Variants in KATNAL1 observed in about 807,000 individuals in gnomAD.
The protein encoded by KATNAL1 is katanin p60 ATPase-containing subunit A-like 1.
KATNAL1 carries 32 observed loss-of-function variants against 55.2 expected under a neutral mutation model. That is an observed-to-expected ratio of 0.58 (90% CI 0.44 to 0.78). The LOEUF is 0.78. Among genes scored for constraint, KATNAL1 ranks in the 30% least tolerant of loss-of-function variants. The pLI, the probability that KATNAL1 is intolerant of heterozygous loss-of-function variation, is 0.00. For synonymous variants in KATNAL1, 193 were observed against 193.6 expected, an observed-to-expected ratio of 1.00 and a Z score of 0.02; for missense variants, 466 against 600.9, an observed-to-expected ratio of 0.78 and a Z score of 2.35.
chr13:30,284,811 T>G (rs1881667274), intron 1 of KATNAL1, among the ~76,000 whole-genome samples: 1 of 152,210 alleles, frequency 6.6e-6, no homozygotes, highest in South Asian at 2.1e-4. Flanking sequence ...AATTCTGGCT[T>G]TTCTTCCAGG....
chr13:30,240,605 G>C (rs1284869846), intron 5 of KATNAL1, 40 bp from the exon 6 acceptor site: 1 of 1,365,426 alleles, frequency 7.3e-7, no homozygotes, highest in East Asian at 2.3e-5. Flanking sequence ...TTTACTCAGG[G>C]ATCTTTGATT....
intron 1 of KATNAL1, among the ~76,000 whole-genome samples, chr13:30,291,969 A>G (rs914224852): frequency 1.3e-5 from 2 of 152,154 alleles, no homozygotes; most frequent in African/African-American, 4.8e-5. Context: ...TGGAAGGAGG[A>G]GGTTGCAGTG....
In KATNAL1 at chr13:30,206,792, C is replaced by T. The variant is rs952918016; in HGVS notation, c.*1748G>A. On this transcript the variant is annotated 3_prime_UTR_variant, in exon 11 of 11. Coordinates refer to ENST00000380615, the MANE Select transcript of KATNAL1 (RefSeq NM_032116.5). ...TGCATTTCTGACTGGCAATAGTTTG[C>T]AAAATAATCGTAATGAAACTACTTA... 5.3e-5 allele frequency: 8 copies of T among 151,944 alleles called. No homozygotes were observed. Among genetic ancestry groups the T allele is most frequent in the South Asian group, 2.1e-4 (1 of 4,812 alleles). 9.4% of individuals were successfully genotyped at this position (151,944 alleles called of 1,614,324 possible).
In KATNAL1 at chr13:30,204,676, T is replaced by C. The variant is rs1237454844; in HGVS notation, c.*3864A>G. 1 of 152,250 alleles carries C rather than the reference T, an allele frequency of 6.6e-6. No homozygotes were observed. Among genetic ancestry groups the C allele is most frequent in the Non-Finnish European group, 1.5e-5 (1 of 68,042 alleles). 9.4% of individuals were successfully genotyped at this position (152,250 alleles called of 1,614,324 possible). A position where few individuals can be genotyped will look rare whatever the true frequency, so the allele number is the denominator to read the frequency against. On this transcript the variant is annotated 3_prime_UTR_variant, in exon 11 of 11. Coordinates refer to ENST00000380615, the MANE Select transcript of KATNAL1 (RefSeq NM_032116.5). Reference sequence around the variant, plus strand: ...CACACACATTTTCCCCTGATGTATGTGTATGACTGTCCATAGATTCACCAG... The same window carrying C: ...CACACACATTTTCCCCTGATGTATGCGTATGACTGTCCATAGATTCACCAG...
Position 30,214,185 on chromosome 13 carries a change from G to C in KATNAL1, c.1148-3743C>G, listed in dbSNP as rs541734364. On this transcript the variant is annotated intron_variant, in intron 9 of 10. Coordinates refer to ENST00000380615, the MANE Select transcript of KATNAL1 (RefSeq NM_032116.5). ...CTCCCATTCACAATTGCTTCAAAGA[G>C]AATAAAATACCTAGGAATCCAACTT... 1.6e-3 allele frequency among the ~76,000 whole-genome samples: 237 copies of C among 152,222 alleles called. 1 individual carries two copies. The highest frequency in any genetic ancestry group is 3.5e-3 in the South Asian group (17 of 4,822).
At chr13:30,256,720 G>A (rs896311087) in intron 3 of KATNAL1, among the ~76,000 whole-genome samples, 1 of 152,116 alleles carries the variant, frequency 6.6e-6, no homozygotes, top group Admixed American at 6.5e-5. Flanking sequence ...AAAAAAAAAT[G>A]TGTTAACATG....
chr13:30,222,148 A>AGATT (rs1874937110), intron 9 of KATNAL1, among the ~76,000 whole-genome samples: 1 of 152,238 alleles, frequency 6.6e-6, no homozygotes, highest in African/African-American at 2.4e-5. Context: ...TGAGTAAAGC[A>AGATT]GATTGCCCTT....
intron 1 of KATNAL1, among the ~76,000 whole-genome samples, chr13:30,303,773 G>A (rs1391542555): frequency 6.6e-6 from 1 of 152,000 alleles, no homozygotes; most frequent in Non-Finnish European, 1.5e-5. Flanking sequence ...AAAGTACATT[G>A]GTATTAATGC....
chr13:30,306,764 G>A (rs1482595995), intron 1 of KATNAL1: 3 of 152,220 alleles, frequency 2.0e-5, no homozygotes, highest in African/African-American at 7.2e-5. Context: ...ACATACATAC[G>A]GTTCTGCACC....
At chr13:30,215,578 T>C (rs895023030) in intron 9 of KATNAL1, among the ~76,000 whole-genome samples, 8 of 152,326 alleles carry the variant, frequency 5.3e-5, no homozygotes, top group African/African-American at 1.4e-4. Flanking sequence ...ATATACACCA[T>C]GGAATACTAT....
At chr13:30,211,855 C>T (rs1566083102) in intron 9 of KATNAL1, among the ~76,000 whole-genome samples, 1 of 152,178 alleles carries the variant, frequency 6.6e-6, no homozygotes, top group Non-Finnish European at 1.5e-5. Context: ...CAGTGTGACC[C>T]TCTTGTGGAA....
chr13:30,278,448 G>T (rs914488325), intron 3 of KATNAL1, among the ~76,000 whole-genome samples: 1 of 152,210 alleles, frequency 6.6e-6, no homozygotes, highest in Non-Finnish European at 1.5e-5. Context: ...GTTATGAACA[G>T]TTAAGAAAGG....
intron 3 of KATNAL1, among the ~76,000 whole-genome samples, chr13:30,270,051 C>T (rs1364934997): frequency 6.1e-5 from 8 of 130,466 alleles, no homozygotes; most frequent in African/African-American, 2.4e-4. Flanking sequence ...GCCCGGCCAG[C>T]CGCCCCATCC....
intron 2 of KATNAL1, among the ~76,000 whole-genome samples, chr13:30,282,613 G>A (rs1009600509): frequency 1.3e-5 from 2 of 151,576 alleles, no homozygotes; most frequent in African/African-American, 4.8e-5. Flanking sequence ...ACTCTAGCCT[G>A]GGTGACAGAG....
At chr13:30,288,681 A>G (rs1433947909) in intron 1 of KATNAL1, among the ~76,000 whole-genome samples, 1 of 152,230 alleles carries the variant, frequency 6.6e-6, no homozygotes, top group Admixed American at 6.5e-5. Context: ...TCAGCGTTCA[A>G]TATTCAGATT....
At chr13:30,279,926 TA>T in intron 3 of KATNAL1, 136 bp downstream of exon 3, 1 of 725,070 alleles carries the variant, frequency 1.4e-6, no homozygotes, top group Non-Finnish European at 2.2e-6. Context: ...ACTGTAAATG[TA>T]TAAATGTGAA....
chr13:30,255,703 T>C (rs1878725045), intron 3 of KATNAL1, 88 bp from the exon 4 acceptor site: 6 of 1,193,176 alleles, frequency 5.0e-6, no homozygotes, highest in East Asian at 6.4e-5. Context: ...GTCAATAAAA[T>C]TGTTAAATCA....
intron 1 of KATNAL1, among the ~76,000 whole-genome samples, chr13:30,304,005 A>T (rs765968190): frequency 6.6e-6 from 1 of 152,220 alleles, no homozygotes; most frequent in Non-Finnish European, 1.5e-5. Flanking sequence ...GTTGTTGAGC[A>T]CTTTAGGGTT....
At chr13:30,263,005 T>A (rs1411128328) in intron 3 of KATNAL1, among the ~76,000 whole-genome samples, 10 of 152,270 alleles carry the variant, frequency 6.6e-5, no homozygotes, top group South Asian at 4.1e-4. Flanking sequence ...GCAGTACATC[T>A]AAAAGCTTAT....
Sources: gnomAD v4.1 joint callset for allele counts (sites outside exome capture counted in the v4.1 genomes callset) on GRCh38, gnomAD v4.1.1 for gene constraint, MANE v1.5 for transcripts, NCBI Gene and HGNC (gene_info 2026-07-23, HGNC 2026-07-21) for gene names.